The following RELA variants were observed in gnomAD, a reference collection of about 807,000 sequenced individuals.
The protein encoded by RELA is transcription factor p65.
Under a neutral mutation model 56.7 loss-of-function variants are expected in RELA, and 14 were observed. The ratio of observed to expected loss-of-function variants is 0.25; its 90% CI spans 0.16 to 0.39. The LOEUF is 0.39. Ranked by LOEUF, RELA falls within the 10% of genes least tolerant of loss-of-function variation. RELA has a pLI of 1.00. For missense variants in RELA, 559 were observed against 736.4 expected (o/e 0.76, Z 2.79); for synonymous variants, 315 against 289.7 (o/e 1.09, Z -0.89).
At chr11:65,659,192 C>A (rs183163095) in intron 6 of RELA, among the ~76,000 whole-genome samples, 1 of 152,158 alleles carries the variant, frequency 6.6e-6, no homozygotes, top group Non-Finnish European at 1.5e-5. Context: ...CCCTCCTGAC[C>A]CCCAGTTTAT....
At chr11:65,656,364 T>A (rs1301674578) in intron 8 of RELA, among the ~76,000 whole-genome samples, 1 of 152,198 alleles carries the variant, frequency 6.6e-6, no homozygotes, top group Non-Finnish European at 1.5e-5. Context: ...CTCTAATGGT[T>A]TCATATTTTA....
Position 65,661,667 on chromosome 11 carries a change from C to T in RELA, c.335+20G>A. 1 of 1,555,326 alleles carries T rather than the reference C, an allele frequency of 6.4e-7. No individual in the cohort carries two copies. The highest frequency in any genetic ancestry group is 8.7e-7 in the Non-Finnish European group (1 of 1,147,080). ...CTCCTGTCCCCTCATGCTGGGCCTC[C>T]TAGCCTGCAGGGACCTCACCTGTGG... On this transcript the variant is annotated intron_variant, in intron 4 of 10. Coordinates refer to ENST00000406246, the MANE Select transcript of RELA (RefSeq NM_021975.4).
intron 4 of RELA, 79 bp downstream of exon 4, chr11:65,661,607 AG>A: frequency 7.4e-7 from 1 of 1,357,730 alleles, no homozygotes; most frequent in Non-Finnish European, 1.0e-6. Context: ...GGGTCCAGAA[AG>A]GAGTAACACT....
Position 65,658,510 on chromosome 11 carries a change from T to G in RELA, c.665-11A>C, listed in dbSNP as rs554976800. The G allele has an allele frequency of 1.9e-6, 3 of 1,591,018 alleles. No individual in the cohort carries two copies. The highest frequency in any genetic ancestry group is 2.6e-6 in the Non-Finnish European group (3 of 1,163,920). ...ACACCTCAATGTCCTCTGCAGGAGA[T>G]GCGGTGGCAGTGTGGGTCAGTGTGT... is the stretch of plus-strand genomic sequence containing the variant. On this transcript the variant is annotated splice_polypyrimidine_tract_variant and intron_variant, in intron 7 of 10. Coordinates refer to ENST00000406246, the MANE Select transcript of RELA (RefSeq NM_021975.4). The surrounding 1 kb of genome is among the most constrained non-coding windows in gnomAD (Gnocchi z 4.5).
chr11:65,657,938 A>G (rs888339322), intron 8 of RELA, among the ~76,000 whole-genome samples: 9 of 152,196 alleles, frequency 5.9e-5, no homozygotes, highest in African/African-American at 2.2e-4. Context: ...TGGCAAAAGG[A>G]TCCTGAAGCC....
chr11:65,654,506 G>A lies in RELA; in HGVS notation c.1528C>T (p.Pro510Ser). The A allele has an allele frequency of 1.2e-6, 2 of 1,602,034 alleles. No individual in the cohort carries two copies. Among genetic ancestry groups the A allele is most frequent in the Admixed American group, 3.5e-5 (2 of 57,020 alleles). Residue 510 changes from proline to serine, a missense_variant, in exon 11 of 11, where the codon CCC becomes TCC. Pro to Ser is a moderately conservative substitution (Grantham distance 74, BLOSUM62 -1). Transcript: ENST00000406246. ...AGTGGAGCAGGAGCTGGGTCGGGGG[G>A]CCTCTGGGCCCCTGTCACTAGGCGA... The part of the protein sequence containing the change: ...ITRLVTGAQR[P>S]PDPAPAPLGA...
chr11:65,655,275 C>T (rs1449463094), intron 10 of RELA: 1 of 569,370 alleles, frequency 1.8e-6, no homozygotes, highest in African/African-American at 1.9e-5. Flanking sequence ...AAGCTGGACT[C>T]CTCAGTTTAC....
intron 1 of RELA, chr11:65,662,532 G>A (rs1209573341): frequency 4.6e-6 from 2 of 435,976 alleles, no homozygotes; most frequent in Admixed American, 4.1e-5. Context: ...CCCCTAATAG[G>A]GAAACGAAGC....
intron 8 of RELA, among the ~76,000 whole-genome samples, chr11:65,656,334 G>A (rs1856427566): frequency 6.6e-6 from 1 of 152,220 alleles, no homozygotes; most frequent in Non-Finnish European, 1.5e-5. Flanking sequence ...TAAGACTTCA[G>A]CAGAGACTCT....
chr11:65,656,351 T>A (rs1056959381), intron 8 of RELA, among the ~76,000 whole-genome samples: 2 of 152,216 alleles, frequency 1.3e-5, no homozygotes, highest in Non-Finnish European at 2.9e-5. Flanking sequence ...CTCTTATTCT[T>A]ATCTCTAATG....
At chr11:65,662,361 G>C (rs529343468) in intron 1 of RELA, 156 bp from the exon 2 acceptor site, 22 of 835,304 alleles carry the variant, frequency 2.6e-5, no homozygotes, top group Non-Finnish European at 3.8e-5. Context: ...AGGGGTGGAG[G>C]AAAGGAACCA....
intron 8 of RELA, among the ~76,000 whole-genome samples, chr11:65,656,773 C>T (rs887345779): frequency 6.6e-6 from 1 of 152,178 alleles, no homozygotes; most frequent in Non-Finnish European, 1.5e-5. Context: ...GCCTGTAATC[C>T]CAGCACTTTG....
In RELA at chr11:65,661,668, T is replaced by C. The variant is rs1356761357; in HGVS notation, c.335+19A>G. On this transcript the variant is annotated intron_variant, in intron 4 of 10. Transcript: ENST00000406246. ...TCCTGTCCCCTCATGCTGGGCCTCC[T>C]AGCCTGCAGGGACCTCACCTGTGGA... The C allele has an allele frequency of 2.6e-6, 4 of 1,556,210 alleles. No homozygotes were observed. The highest frequency in any genetic ancestry group is 3.5e-6 in the Non-Finnish European group (4 of 1,147,402).
intron 8 of RELA, among the ~76,000 whole-genome samples, chr11:65,656,951 GGGAGGT>G (rs1856446453): frequency 6.6e-6 from 1 of 152,090 alleles, no homozygotes; most frequent in African/African-American, 2.4e-5. Context: ...ACTTGAACCC[GGGAGGT>G]GGAGGTTGCA....
intron 4 of RELA, 101 bp from the exon 5 acceptor site, chr11:65,660,316 C>T (rs575613223): frequency 6.5e-5 from 66 of 1,010,858 alleles, no homozygotes; most frequent in Admixed American, 1.7e-4. Flanking sequence ...CCTAGATCAT[C>T]GCTCCATGCC....
At chr11:65,657,738 T>C (rs1369822665) in intron 8 of RELA, among the ~76,000 whole-genome samples, 1 of 152,218 alleles carries the variant, frequency 6.6e-6, no homozygotes. Context: ...ATTTCACATG[T>C]CATTCCGTGA....
At position 65,662,051 on chromosome 11, in the gene RELA, A is replaced by G. The variant is rs1856582653; in HGVS notation, c.72T>C (p.Ile24=). 6.2e-7 allele frequency: 1 copy of G among 1,612,738 alleles called. No individual in the cohort carries two copies. The highest frequency in any genetic ancestry group is 8.5e-7 in the Non-Finnish European group (1 of 1,179,648). ...AQASGPYVEI[I]EQPKQRGMRF... is the part of the protein sequence containing the mutation. The stretch of plus-strand genomic sequence containing the variant: ...GCATGCCCCGCTGCTTGGGCTGCTC[A>G]ATGATCTCCACATAGGGGCCAGAGG... Residue 24 remains isoleucine, a synonymous_variant, in exon 3 of 11, where the codon ATT becomes ATC. Coordinates refer to ENST00000406246, the MANE Select transcript of RELA (RefSeq NM_021975.4).
At position 65,658,272 on chromosome 11, in the gene RELA, AC is replaced by A. The variant is rs1856479358; in HGVS notation, c.877+14del. 6.4e-7 allele frequency: 1 copy of A among 1,563,376 alleles called. No homozygotes were observed. ...AGAGCCCAGCTGCCCTGATGCTGCC[AC>A]CCCAGCTGTGTACCTGTATCTGGCA... On this transcript the variant is annotated intron_variant, in intron 8 of 10. Transcript: ENST00000406246. The surrounding 1 kb of genome is among the most constrained non-coding windows in gnomAD (Gnocchi z 4.5).
rs747928226 is a variant in RELA, at chr11:65,654,557, G to T, written c.1477C>A (p.Leu493Met). 1.2e-6 allele frequency: 2 copies of T among 1,613,584 alleles called. No individual in the cohort carries two copies. The highest frequency in any genetic ancestry group is 2.2e-5 in the South Asian group (2 of 90,988). ...GTTATAGCCTCAGGGTACTCCATCA[G>T]CATGGGCTCAGTTGTGTGGGGGGCC... ...PVAPHTTEPM[L>M]MEYPEAITRL... Residue 493 changes from leucine to methionine, a missense_variant, in exon 11 of 11, where the codon CTG becomes ATG. Coordinates refer to ENST00000406246, the MANE Select transcript of RELA (RefSeq NM_021975.4).
Sources: allele counts gnomAD v4.1 joint callset (sites outside exome capture counted in the v4.1 genomes callset), GRCh38; gene constraint gnomAD v4.1.1; non-coding constraint Gnocchi (gnomAD v3.1); transcripts MANE v1.5; gene names NCBI Gene and HGNC (gene_info 2026-07-23, HGNC 2026-07-21).